Variants in NOX1 observed in about 807,000 individuals in gnomAD.
NOX1 encodes the protein NADH/NADPH mitogenic oxidase subunit P65-MOX.
In NOX1, 34 loss-of-function variants were observed where a neutral mutation model predicts 42.5. The observed-to-expected ratio is 0.80, with a 90% CI of 0.61 to 1.07. The LOEUF (loss-of-function observed/expected upper bound fraction) is 1.07. Ranked by LOEUF, NOX1 falls within the 50% of genes least tolerant of loss-of-function variation. The pLI is 0.00. For missense variants in NOX1, 408 were observed against 427.0 expected (o/e 0.96, Z 0.39); for synonymous variants, 143 against 152.5 (o/e 0.94, Z 0.46).
chrX:100,868,510 T>A (rs991299065), intron 2 of NOX1, among the ~76,000 whole-genome samples: 1 of 109,716 alleles, frequency 9.1e-6, no homozygotes, highest in African/African-American at 3.3e-5. Context: ...CCCTACCCAC[T>A]CCCTCCCTCC....
intron 1 of NOX1, among the ~76,000 whole-genome samples, chrX:100,871,798 C>T (rs1350716735): frequency 4.5e-5 from 5 of 111,500 alleles, no homozygotes; most frequent in Non-Finnish European, 9.4e-5. Flanking sequence ...AGGCAAAGGG[C>T]CTTTAGCCTA....
chrX:100,849,629 A>G (rs1032920910), intron 10 of NOX1, 143 bp downstream of exon 10: 2 of 661,529 alleles, frequency 3.0e-6, no homozygotes, highest in Non-Finnish European at 2.2e-6. Context: ...GTAGAAGTGG[A>G]TGTCCTGGCC....
Position 100,843,931 on chromosome X carries a change from T to G in NOX1, c.*21A>C. On this transcript the variant is annotated 3_prime_UTR_variant, in exon 13 of 13. Transcript: ENST00000372966. ...AGATACAAAGAGACAAAATGCAGAT[T>G]ACCGTCCTTATTCCTATAACTCAAA... 3 of 1,186,358 alleles carry G rather than the reference T, an allele frequency of 2.5e-6. No homozygotes were observed. The highest frequency in any genetic ancestry group is 3.4e-6 in the Non-Finnish European group (3 of 874,381).
intron 2 of NOX1, among the ~76,000 whole-genome samples, chrX:100,864,521 G>T (rs2085226245): frequency 9.0e-6 from 1 of 111,651 alleles, no homozygotes; most frequent in Admixed American, 9.6e-5. Context: ...TTTTAAACAG[G>T]TAGATATTTG....
chrX:100,862,440 T>C lies in NOX1; in HGVS notation c.623A>G (p.His208Arg). Residue 208 changes from histidine (H) to arginine (R), a missense_variant, in exon 6 of 13, where the codon CAC (histidine) becomes CGC (arginine). Coordinates refer to ENST00000372966, the MANE Select transcript of NOX1 (RefSeq NM_007052.5). ...AAGGATATAGAAGATAAAAAGGTGGTGAGTATACCAGAAGACTTCAAAATA... is the reference window on the plus strand; with the variant it reads ...AAGGATATAGAAGATAAAAAGGTGGCGAGTATACCAGAAGACTTCAAAATA... ...RSYFEVFWYTHHLFIFYILGL... is the reference protein window; with the variant it reads ...RSYFEVFWYTRHLFIFYILGL... 1 of 1,210,853 alleles carries C rather than the reference T, an allele frequency of 8.3e-7. No homozygotes were observed. The highest frequency in any genetic ancestry group is 1.1e-6 in the Non-Finnish European group (1 of 894,839).
intron 1 of NOX1, among the ~76,000 whole-genome samples, chrX:100,871,202 T>C (rs748842442): frequency 2.7e-5 from 3 of 112,878 alleles, no homozygotes; most frequent in Non-Finnish European, 5.6e-5. Flanking sequence ...AAAGTGGTAT[T>C]GGAACTTAGC....
intron 7 of NOX1, among the ~76,000 whole-genome samples, chrX:100,858,637 G>A (rs2085183235): frequency 9.0e-6 from 1 of 111,039 alleles, no homozygotes; most frequent in South Asian, 3.8e-4. Flanking sequence ...TCATTGTAGA[G>A]ATCTTTCACC....
chrX:100,843,414 A>G lies in NOX1; in HGVS notation c.*538T>C. ...TGGATAAGACCATATCAAAAGTGAC[A>G]GTAAACATGTACACTGTTGGTGTTA... On this transcript the variant is annotated 3_prime_UTR_variant, in exon 13 of 13. Coordinates refer to ENST00000372966, the MANE Select transcript of NOX1 (RefSeq NM_007052.5). 2.6e-6 allele frequency: 3 copies of G among 1,146,337 alleles called. No individual in the cohort carries two copies. Among genetic ancestry groups the G allele is most frequent in the Non-Finnish European group, 3.5e-6 (3 of 865,207 alleles). The allele number at this position is 1,146,337 out of a possible 1,213,427, so 94.5% of individuals were successfully genotyped here.
At chrX:100,857,014 T>C (rs151141444) in intron 7 of NOX1, among the ~76,000 whole-genome samples, 23 of 112,123 alleles carry the variant, frequency 2.1e-4, no homozygotes, top group Non-Finnish European at 4.3e-4. Context: ...AGATAGTTTT[T>C]TGATCCTCTC....
At position 100,843,377 on chromosome X, in the gene NOX1, T is replaced by C. The variant is rs1466922275; in HGVS notation, c.*575A>G. 1 of 1,134,905 alleles carries C rather than the reference T, an allele frequency of 8.8e-7. No individual in the cohort carries two copies. The highest frequency in any genetic ancestry group is 2.2e-5 in the South Asian group (1 of 44,632). The allele number at this position is 1,134,905 out of a possible 1,213,427, so 93.5% of individuals were successfully genotyped here. A position where few individuals can be genotyped will look rare whatever the true frequency, so the allele number is the denominator to read the frequency against. On this transcript the variant is annotated 3_prime_UTR_variant, in exon 13 of 13. Coordinates refer to ENST00000372966, the MANE Select transcript of NOX1 (RefSeq NM_007052.5). ...TTGATGAGCAAAAATAAGAATAAAT[T>C]GCTGTTCACACTGGATAAGACCATA...
chrX:100,846,038 G>A (rs979782913), intron 12 of NOX1, among the ~76,000 whole-genome samples: 2 of 110,555 alleles, frequency 1.8e-5, no homozygotes, highest in African/African-American at 3.3e-5. Flanking sequence ...CACCCACCTC[G>A]GCCTCCCAAA....
In NOX1 at chrX:100,870,752, G is replaced by A. The variant is rs778512657; in HGVS notation, c.108C>T (p.Ala36=). ...FVDAFLKYEK[A]DKYYYTRKIL... is the part of the protein sequence containing the mutation. ...TTTTTCTTGTGTAGTAGTATTTGTCGGCCTTCTCATATTTCAGGAAGGCAT... is the reference window on the plus strand; with the variant it reads ...TTTTTCTTGTGTAGTAGTATTTGTCAGCCTTCTCATATTTCAGGAAGGCAT... Residue 36 remains alanine (A), a synonymous_variant, in exon 2 of 13, where the codon GCC becomes GCT. Transcript: ENST00000372966. The A allele has an allele frequency of 4.2e-6, 5 of 1,195,882 alleles. No individual in the cohort carries two copies. The highest frequency in any genetic ancestry group is 1.8e-5 in the South Asian group (1 of 56,183).
At chrX:100,857,204 C>T (rs962555468) in intron 7 of NOX1, among the ~76,000 whole-genome samples, 23 of 112,049 alleles carry the variant, frequency 2.1e-4, no homozygotes, top group African/African-American at 7.5e-4. Flanking sequence ...CTGCAAAGGA[C>T]ATGATCTTGT....
chrX:100,850,288 G>A lies in NOX1; in HGVS notation c.996C>T (p.Ile332=), dbSNP rs916078319. 8.3e-7 allele frequency: 1 copy of A among 1,209,968 alleles called. No homozygotes were observed. Among genetic ancestry groups the A allele is most frequent in the Admixed American group, 2.2e-5 (1 of 46,015 alleles). ...GQYIFVNCPS[I]SLLEWHPFTL... Reference sequence around the variant, plus strand: ...TAAAAGGATGCCATTCCAGGAGAGAGATTGAGGGGCAATTAACAAAGATAT... The same window carrying A: ...TAAAAGGATGCCATTCCAGGAGAGAAATTGAGGGGCAATTAACAAAGATAT... The change falls in exon 9 of 13, where the codon ATC becomes ATT. Residue 332 remains isoleucine (I), a synonymous_variant. Transcript: ENST00000372966.
At chrX:100,846,767 A>G (rs113882335) in intron 12 of NOX1, among the ~76,000 whole-genome samples, 10 of 112,732 alleles carry the variant, frequency 8.9e-5, no homozygotes, top group African/African-American at 2.9e-4. Context: ...ATATTGTCTC[A>G]CTTAATTGTC....
intron 7 of NOX1, among the ~76,000 whole-genome samples, chrX:100,859,724 T>C (rs1309801576): frequency 3.7e-5 from 4 of 108,909 alleles, no homozygotes; most frequent in African/African-American, 6.7e-5. Flanking sequence ...TTTTTTAGTT[T>C]GTGTGCATAG....
chrX:100,847,023 A>AGG (rs1298120191), intron 12 of NOX1, among the ~76,000 whole-genome samples: 1 of 111,841 alleles, frequency 8.9e-6, no homozygotes, highest in African/African-American at 3.3e-5. Flanking sequence ...CCCCATCTCT[A>AGG]CTAAAAATAC....
At chrX:100,854,003 C>T (rs905159825) in intron 7 of NOX1, among the ~76,000 whole-genome samples, 11 of 111,334 alleles carry the variant, frequency 9.9e-5, no homozygotes, top group Admixed American at 2.8e-4. Flanking sequence ...ATTAGCAGGG[C>T]GTGGTGGTGC....
intron 2 of NOX1, among the ~76,000 whole-genome samples, chrX:100,865,520 C>G: frequency 8.9e-6 from 1 of 112,616 alleles, no homozygotes; most frequent in Non-Finnish European, 1.9e-5. Context: ...ATTTAAACTT[C>G]TTCCTCTGCT....
Sources: allele counts gnomAD v4.1 joint callset (sites outside exome capture counted in the v4.1 genomes callset), GRCh38; gene constraint gnomAD v4.1.1; transcripts MANE v1.5; gene names NCBI Gene and HGNC (gene_info 2026-07-23, HGNC 2026-07-21).